IFT122: variants seen among roughly 807,000 people sequenced by gnomAD.
IFT122 encodes the protein intraflagellar transport protein 122 homolog.
A neutral mutation model predicts 161.6 loss-of-function variants in IFT122; 118 were observed. The observed-to-expected ratio is 0.73, with a 90% CI of 0.63 to 0.85. IFT122 has a LOEUF of 0.85. IFT122 is among the 40% of genes least tolerant of loss of function. IFT122 has a pLI of 0.00. For synonymous variants in IFT122, 550 were observed against 602.4 expected, an observed-to-expected ratio of 0.91 and a Z score of 1.27; for missense variants, 1,381 against 1,579.6, an observed-to-expected ratio of 0.87 and a Z score of 2.13.
At chr3:129,484,565 G>A (rs1246201263) in intron 15 of IFT122, among the ~76,000 whole-genome samples, 1 of 152,088 alleles carries the variant, frequency 6.6e-6, no homozygotes, top group East Asian at 1.9e-4. Flanking sequence ...ACCTATAGAT[G>A]GAACCTCAGA....
intron 17 of IFT122, 136 bp downstream of exon 17, chr3:129,492,330 C>T: frequency 1.3e-6 from 1 of 786,524 alleles, no homozygotes. Flanking sequence ...GGGCCACAGC[C>T]TTGCTCCGGG....
At chr3:129,510,037 C>T (rs906740111) in intron 23 of IFT122, among the ~76,000 whole-genome samples, 1 of 152,226 alleles carries the variant, frequency 6.6e-6, no homozygotes, top group Non-Finnish European at 1.5e-5. Context: ...CCAGCTTTCC[C>T]TGACCTGCTC....
At chr3:129,477,225 T>C (rs1002222460) in intron 11 of IFT122, among the ~76,000 whole-genome samples, 3 of 152,152 alleles carry the variant, frequency 2.0e-5, no homozygotes, top group Non-Finnish European at 2.9e-5. Context: ...TGGGTCCTTC[T>C]GCCAGAGATG....
intron 1 of IFT122, 39 bp downstream of exon 1, chr3:129,440,410 G>A: frequency 6.5e-7 from 1 of 1,548,300 alleles, no homozygotes; most frequent in Non-Finnish European, 8.7e-7. Flanking sequence ...AGGAGGTCGA[G>A]TCCTCGCGGG....
At chr3:129,472,439 A>G (rs547178198) in intron 9 of IFT122, among the ~76,000 whole-genome samples, 8 of 152,286 alleles carry the variant, frequency 5.3e-5, no homozygotes, top group African/African-American at 1.9e-4. Context: ...TGCTGGGAAT[A>G]CAGGTGTGAG....
In IFT122 at chr3:129,517,603, G is replaced by A. The variant is rs934078486; in HGVS notation, c.3391+9G>A. On this transcript the variant is annotated intron_variant, in intron 27 of 29. Transcript: ENST00000348417. ...AGAGATTGCAAACAACAGTATCCAT[G>A]CCCTTGGCCAGAGCCTGTGTGTGCG... 1 of 1,612,342 alleles carries A rather than the reference G, an allele frequency of 6.2e-7. No individual in the cohort carries two copies.
chr3:129,472,030 A>G (rs907078532), intron 9 of IFT122, among the ~76,000 whole-genome samples: 1 of 148,980 alleles, frequency 6.7e-6, no homozygotes, highest in Non-Finnish European at 1.5e-5. Flanking sequence ...AAAGGCACAC[A>G]TTTAGTCTGT....
At chr3:129,473,782 G>A (rs2077613087) in intron 9 of IFT122, among the ~76,000 whole-genome samples, 1 of 152,204 alleles carries the variant, frequency 6.6e-6, no homozygotes, top group South Asian at 2.1e-4. Flanking sequence ...GAAGAGGGCT[G>A]CCCTCAGGCA....
chr3:129,502,877 G>A lies in IFT122; in HGVS notation c.2542G>A (p.Asp848Asn). The A allele has an allele frequency of 6.8e-6, 11 of 1,609,726 alleles. No individual in the cohort carries two copies. Among genetic ancestry groups the A allele is most frequent in the Non-Finnish European group, 9.3e-6 (11 of 1,179,996 alleles). The change falls in exon 20 of 30, where the codon GAT (aspartate) becomes AAT (asparagine). Residue 848 changes from aspartate (D) to asparagine (N), a missense_variant. By Grantham distance (23) the Asp-to-Asn change is conservative. This residue lies in a region of IFT122 where 496 missense variants were observed against 502.5 expected (regional missense o/e 0.99). Coordinates refer to ENST00000348417, the MANE Select transcript of IFT122 (RefSeq NM_052989.3). ...GCTGCACGTGGAGACCCAGCGCTGG[G>A]ATGAGGTGAGGGGAAAGCAGGCCTC... ...VQLHVETQRW[D>N]EAFALGEKHP...
At chr3:129,506,344 A>T in intron 21 of IFT122, 65 bp from the exon 22 acceptor site, 1 of 1,593,166 alleles carries the variant, frequency 6.3e-7, no homozygotes, top group Non-Finnish European at 8.5e-7. Flanking sequence ...ACAGAGCTCC[A>T]TCCTGCCTCC....
At position 129,478,222 on chromosome 3, in the gene IFT122, G is replaced by A. The variant is rs554380614; in HGVS notation, c.1350+4G>A. The A allele has an allele frequency of 1.9e-6, 3 of 1,613,752 alleles. No individual in the cohort carries two copies. Among genetic ancestry groups the A allele is most frequent in the Non-Finnish European group, 2.5e-6 (3 of 1,179,854 alleles). Reference sequence around the variant, plus strand: ...CAATCACATCATCCTGTGCCAGGTGGGCAGCAGCATGTTGAAGGAGTTGGG... The same window carrying A: ...CAATCACATCATCCTGTGCCAGGTGAGCAGCAGCATGTTGAAGGAGTTGGG... On this transcript the variant is annotated splice_donor_region_variant and intron_variant, in intron 12 of 29. Coordinates refer to ENST00000348417, the MANE Select transcript of IFT122 (RefSeq NM_052989.3).
intron 17 of IFT122, among the ~76,000 whole-genome samples, chr3:129,492,471 C>G (rs1041199088): frequency 2.0e-5 from 3 of 152,202 alleles, no homozygotes; most frequent in African/African-American, 4.8e-5. Flanking sequence ...TTGGACCTAC[C>G]TCACAGGCTG....
intron 11 of IFT122, 29 bp from the exon 12 acceptor site, chr3:129,477,987 C>T: frequency 6.3e-7 from 1 of 1,591,670 alleles, no homozygotes; most frequent in Non-Finnish European, 8.6e-7. Flanking sequence ...CAACCTCTTG[C>T]TAGAACTAGA....
intron 15 of IFT122, among the ~76,000 whole-genome samples, chr3:129,485,597 G>T (rs2108372723): frequency 6.6e-6 from 1 of 152,334 alleles, no homozygotes; most frequent in East Asian, 1.9e-4. Flanking sequence ...CATCCACCAG[G>T]AACTCATCTC....
intron 9 of IFT122, among the ~76,000 whole-genome samples, chr3:129,470,376 A>C (rs1034091347): frequency 1.3e-5 from 2 of 150,978 alleles, no homozygotes; most frequent in Non-Finnish European, 3.0e-5. Flanking sequence ...CCATTCTCCT[A>C]CCTCAGCCTC....
At chr3:129,450,043 G>A in intron 2 of IFT122, 106 bp downstream of exon 2, 1 of 801,212 alleles carries the variant, frequency 1.2e-6, no homozygotes, top group Non-Finnish European at 2.2e-6. Flanking sequence ...AAAAAGGCAA[G>A]GGTGGAAAAA....
In IFT122 at chr3:129,464,713, G is replaced by A. The variant is rs1279604454; in HGVS notation, c.495G>A (p.Glu165=). 6.4e-7 allele frequency: 1 copy of A among 1,573,418 alleles called. No individual in the cohort carries two copies. Among genetic ancestry groups the A allele is most frequent in the Non-Finnish European group, 8.6e-7 (1 of 1,156,120 alleles). Residue 165 remains glutamate, a synonymous_variant, in exon 7 of 30, where the codon GAG becomes GAA. Transcript: ENST00000348417. ...GCATACGGAACAAAAATGGCGAGGAGAAAGTAAAGATCGAGCGGCCGGGGG... is the reference window on the plus strand; with the variant it reads ...GCATACGGAACAAAAATGGCGAGGAAAAAGTAAAGATCGAGCGGCCGGGGG... ...IISIRNKNGE[E]KVKIERPGGS...
Position 129,488,258 on chromosome 3 carries a change from C to T in IFT122, c.1853C>T (p.Ser618Phe), listed in dbSNP as rs1371012508. 5 of 1,613,970 alleles carry T rather than the reference C, an allele frequency of 3.1e-6. No homozygotes were observed. The African/African-American group carries it at 5.3e-5, about 17-fold the overall frequency. ...TTTTCCCTTGATGAAATCCTGCAGT[C>T]CGCTCCCATGTACCAGTACCTGGAT... ...FSISAVEVPQ[S>F]APMYQYLDRK... Residue 618 changes from serine to phenylalanine, a missense_variant and splice_region_variant, in exon 16 of 30, where the codon TCC becomes TTC. Around this residue, in one of 7 missense-constraint regions of IFT122, gnomAD observed 544 missense variants for 648.0 expected, o/e 0.84. Coordinates refer to ENST00000348417, the MANE Select transcript of IFT122 (RefSeq NM_052989.3).
rs367834133 is a variant in IFT122 at position 129,454,513 on chromosome 3, T to TTTTGTGTGTGTGTGTGTG, written c.193+2516_193+2517insTTGTGTGTGTGTGTGTGT. Reference sequence around the variant, plus strand: ...GTGTGCTGTACCATGGTAGTCATATTTGTGTGTGTGTGTGTGTGTGTGTGT... The same window carrying TTTTGTGTGTGTGTGTGTG: ...GTGTGCTGTACCATGGTAGTCATATTTTTGTGTGTGTGTGTGTGTGTGTGTGTGTGTGTGTGTGTGTGT... On this transcript the variant is annotated intron_variant, in intron 3 of 29. Transcript: ENST00000348417. 6.9e-5 allele frequency among the ~76,000 whole-genome samples: 9 copies of TTTTGTGTGTGTGTGTGTG among 131,280 alleles called. No individual in the cohort carries two copies. In the East Asian group the frequency reaches 1.4e-3, roughly 21 times the overall value. The allele number at this position is 131,280 out of a possible 152,430, so 86.1% of individuals were successfully genotyped here.
Sources: gnomAD v4.1 joint callset for allele counts (sites outside exome capture counted in the v4.1 genomes callset) on GRCh38, gnomAD v4.1.1 for gene constraint, gnomAD v4.1.1 regional missense constraint, MANE v1.5 for transcripts, NCBI Gene and HGNC (gene_info 2026-07-23, HGNC 2026-07-21) for gene names.